Variants in PRKG1 observed in about 807,000 individuals in gnomAD.
PRKG1 encodes the protein cGMP-dependent protein kinase 1.
In PRKG1, 35 loss-of-function variants were observed where a neutral mutation model predicts 88.1. The ratio of observed to expected loss-of-function variants is 0.40; its 90% CI spans 0.30 to 0.53. The LOEUF is 0.53. PRKG1 is among the 20% of genes least tolerant of loss of function. The pLI, the probability that PRKG1 is intolerant of heterozygous loss-of-function variation, is 0.59. For synonymous variants in PRKG1, 303 were observed against 292.5 expected (o/e 1.04, Z -0.37); for missense variants, 540 against 839.8 (o/e 0.64, Z 4.41).
intron 2 of PRKG1, among the ~76,000 whole-genome samples, chr10:51,442,001 C>A (rs2132749808): frequency 6.6e-6 from 1 of 151,534 alleles, no homozygotes; most frequent in Non-Finnish European, 1.5e-5. Context: ...AATATTCTTC[C>A]AAGTTTAAGT....
chr10:50,992,504 T>A (rs11594155), intron 1 of PRKG1, among the ~76,000 whole-genome samples: 4,145 of 152,208 alleles, frequency 0.027, 89 homozygotes, highest in Non-Finnish European at 0.037. Context: ...TGTTTTCCCC[T>A]GAGTCCCTCC....
chr10:52,220,128 C>A (rs1840207716), intron 9 of PRKG1, among the ~76,000 whole-genome samples: 1 of 152,002 alleles, frequency 6.6e-6, no homozygotes, highest in Non-Finnish European at 1.5e-5. Flanking sequence ...AGAGTGTGGC[C>A]CCAGTGACAT....
chr10:51,367,215 T>A (rs1842609424), intron 2 of PRKG1, among the ~76,000 whole-genome samples: 1 of 151,962 alleles, frequency 6.6e-6, no homozygotes, highest in African/African-American at 2.4e-5. Flanking sequence ...ACAGTTATGC[T>A]GCACGTATCC....
At chr10:51,308,090 T>C (rs558078028) in intron 2 of PRKG1, among the ~76,000 whole-genome samples, 2 of 152,310 alleles carry the variant, frequency 1.3e-5, no homozygotes, top group Admixed American at 6.5e-5. Flanking sequence ...ACATTAAATA[T>C]GTATGTGCTA....
rs147518151 is a variant in PRKG1 at position 51,771,962 on chromosome 10, T to A, written c.593-32623T>A. Among the ~76,000 whole-genome samples, 62 of 152,272 alleles carry A rather than the reference T, an allele frequency of 4.1e-4. No homozygotes were observed. In the East Asian group the frequency reaches 0.012, roughly 29 times the overall value. On this transcript the variant is annotated intron_variant, in intron 3 of 17. Transcript: ENST00000373980. Reference sequence around the variant, plus strand: ...TGAAAAAAATAAAGCAATTAGAAATTCAGAATTGATTACATTGTTATGGTA... The same window carrying A: ...TGAAAAAAATAAAGCAATTAGAAATACAGAATTGATTACATTGTTATGGTA...
Position 52,199,674 on chromosome 10 carries a change from C to T in PRKG1, c.1076+37711C>T, listed in dbSNP as rs72787304. Among the ~76,000 whole-genome samples the T allele has an allele frequency of 6.3e-3, 963 of 152,216 alleles. 2 individuals are homozygous for T. The highest frequency in any genetic ancestry group is 8.8e-3 in the Non-Finnish European group (599 of 67,990). ...ACTTCTCGAATTTCCCAACCCAAAG[C>T]CCCCTCCCTGGATTTACTCCGTGAC... On this transcript the variant is annotated intron_variant, in intron 9 of 17. Transcript: ENST00000373980.
chr10:52,031,246 G>T (rs920010122), intron 5 of PRKG1, among the ~76,000 whole-genome samples: 3 of 152,120 alleles, frequency 2.0e-5, no homozygotes, highest in African/African-American at 7.2e-5. Flanking sequence ...GTTCATAAAT[G>T]AGCATATGTA....
At chr10:52,272,276 T>C (rs1443757023) in intron 11 of PRKG1, 116 bp from the exon 12 acceptor site, 2 of 705,502 alleles carry the variant, frequency 2.8e-6, no homozygotes, top group Admixed American at 3.0e-5. Context: ...ATCTCTCTCA[T>C]TCTGACAAAA....
At chr10:51,145,470 T>C (rs1845921739) in intron 1 of PRKG1, among the ~76,000 whole-genome samples, 1 of 152,192 alleles carries the variant, frequency 6.6e-6, no homozygotes, top group South Asian at 2.1e-4. Context: ...CGTACGGTCT[T>C]ATTTATTCTC....
At chr10:51,391,269 A>C (rs1416676048) in intron 2 of PRKG1, among the ~76,000 whole-genome samples, 1 of 152,238 alleles carries the variant, frequency 6.6e-6, no homozygotes, top group Non-Finnish European at 1.5e-5. Context: ...AGTGAGTTTT[A>C]AAAATTTGTT....
intron 3 of PRKG1, among the ~76,000 whole-genome samples, chr10:51,728,442 A>ATTTT (rs1564623593): frequency 8.7e-6 from 1 of 114,468 alleles, no homozygotes; most frequent in African/African-American, 3.5e-5. Context: ...GCAAAATTCC[A>ATTTT]TTTTTTCTTT....
intron 2 of PRKG1, among the ~76,000 whole-genome samples, chr10:51,378,824 C>CAT (rs1842865534): frequency 6.6e-6 from 1 of 151,990 alleles, no homozygotes; most frequent in Admixed American, 6.6e-5. Flanking sequence ...TGAAAGAATT[C>CAT]ATATTAGACA....
chr10:52,062,998 AC>A (rs1278188025), intron 7 of PRKG1: 4 of 551,336 alleles, frequency 7.3e-6, no homozygotes, highest in Non-Finnish European at 9.8e-6. Flanking sequence ...AAATCCCTAA[AC>A]CTGTTTGTAC....
intron 3 of PRKG1, among the ~76,000 whole-genome samples, chr10:51,674,464 CT>C (rs368693987): frequency 6.6e-6 from 1 of 151,962 alleles, no homozygotes; most frequent in Admixed American, 6.6e-5. Flanking sequence ...ATACCTACTT[CT>C]TTTTTAACTT....
intron 1 of PRKG1, among the ~76,000 whole-genome samples, chr10:51,041,930 C>G (rs747136354): frequency 8.3e-4 from 126 of 152,150 alleles, no homozygotes; most frequent in Non-Finnish European, 1.5e-3. Flanking sequence ...CACTTACAGT[C>G]AAGGTACTTG....
intron 6 of PRKG1, among the ~76,000 whole-genome samples, chr10:52,058,123 C>A (rs962269964): frequency 2.0e-5 from 3 of 151,750 alleles, no homozygotes; most frequent in Admixed American, 1.3e-4. Flanking sequence ...GTTCATTTTT[C>A]TTTATTAATG....
At chr10:51,171,592 C>T (rs968229442) in intron 2 of PRKG1, among the ~76,000 whole-genome samples, 53 of 152,176 alleles carry the variant, frequency 3.5e-4, no homozygotes, top group African/African-American at 1.2e-3. Context: ...CCCTAAGTTG[C>T]ACATTTCACC....
intron 17 of PRKG1, among the ~76,000 whole-genome samples, chr10:52,292,983 A>G (rs1842289547): frequency 6.6e-6 from 1 of 152,198 alleles, no homozygotes; most frequent in South Asian, 2.1e-4. Flanking sequence ...CCCTGTTTGC[A>G]GATGACATGA....
chr10:51,222,805 C>T (rs1838584429), intron 2 of PRKG1, among the ~76,000 whole-genome samples: 1 of 152,024 alleles, frequency 6.6e-6, no homozygotes, highest in Non-Finnish European at 1.5e-5. Flanking sequence ...AACACCCCCT[C>T]TAAGTTTTCT....
Sources: gnomAD v4.1 joint callset for allele counts (sites outside exome capture counted in the v4.1 genomes callset) on GRCh38, gnomAD v4.1.1 for gene constraint, MANE v1.5 for transcripts, NCBI Gene and HGNC (gene_info 2026-07-23, HGNC 2026-07-21) for gene names.